The following DOCK2 variants were observed in gnomAD, a reference collection of about 807,000 sequenced individuals.
The protein encoded by DOCK2 is dedicator of cytokinesis 2.
In DOCK2, 87 loss-of-function variants were observed where a neutral mutation model predicts 248.9. The ratio of observed to expected loss-of-function variants is 0.35; its 90% CI spans 0.29 to 0.42. The LOEUF is 0.42. Ranked by LOEUF, DOCK2 falls within the 10% of genes least tolerant of loss-of-function variation. DOCK2 has a pLI of 1.00. For synonymous variants in DOCK2, 805 were observed against 821.6 expected, an observed-to-expected ratio of 0.98 and a Z score of 0.35; for missense variants, 1,747 against 2,300.2, an observed-to-expected ratio of 0.76 and a Z score of 4.92.
At chr5:169,731,332 G>C (rs539592782) in intron 22 of DOCK2, among the ~76,000 whole-genome samples, 1 of 152,258 alleles carries the variant, frequency 6.6e-6, no homozygotes, top group African/African-American at 2.4e-5. Context: ...GGTCTTTTCT[G>C]TGCTGTTCTC....
At chr5:169,858,831 G>A (rs1435399123) in intron 27 of DOCK2, among the ~76,000 whole-genome samples, 1 of 152,088 alleles carries the variant, frequency 6.6e-6, no homozygotes, top group African/African-American at 2.4e-5. Context: ...GCAAGGCTCA[G>A]TCTTTACAGA....
At chr5:169,799,126 A>C (rs261590) in intron 25 of DOCK2, among the ~76,000 whole-genome samples, 103,890 of 152,020 alleles carry the variant, frequency 0.68, 38,098 homozygotes, top group East Asian at 0.86. Flanking sequence ...TGTCATCACC[A>C]TGGCATCTTC....
At chr5:170,028,009 C>T in intron 34 of DOCK2, 61 bp downstream of exon 34, 1 of 1,501,568 alleles carries the variant, frequency 6.7e-7, no homozygotes, top group Non-Finnish European at 9.1e-7. Context: ...CGGGAGGGCT[C>T]AGAACTCCAG....
intron 27 of DOCK2, among the ~76,000 whole-genome samples, chr5:169,857,167 T>C (rs261037): frequency 0.2 from 31,122 of 152,166 alleles, 4,775 homozygotes; most frequent in African/African-American, 0.43. Flanking sequence ...ATGGACTAGG[T>C]CACATGTAAT....
chr5:169,977,046 C>T (rs979715196), intron 27 of DOCK2, among the ~76,000 whole-genome samples: 3 of 152,244 alleles, frequency 2.0e-5, no homozygotes. Flanking sequence ...AAGACAGACA[C>T]ACCTTCTTAA....
At chr5:169,715,145 A>G (rs1761828722) in intron 19 of DOCK2, among the ~76,000 whole-genome samples, 1 of 152,174 alleles carries the variant, frequency 6.6e-6, no homozygotes, top group Non-Finnish European at 1.5e-5. Context: ...AACAATGCAA[A>G]TGTCAGATGT....
intron 13 of DOCK2, 105 bp from the exon 14 acceptor site, chr5:169,702,198 A>G (rs1439679353): frequency 5.7e-6 from 8 of 1,404,864 alleles, no homozygotes; most frequent in African/African-American, 2.9e-5. Flanking sequence ...ATTAATACCA[A>G]TCCAGGTGGG....
In DOCK2 at chr5:169,978,331, T is replaced by C. The variant is rs543510534; in HGVS notation, c.2800-4737T>C. Among the ~76,000 whole-genome samples the C allele has an allele frequency of 6.0e-5, 8 of 133,568 alleles. 2 individuals are homozygous for C. Among genetic ancestry groups the C allele is most frequent in the African/African-American group, 2.2e-4 (8 of 35,834 alleles). 87.6% of individuals were successfully genotyped at this position (133,568 alleles called of 152,430 possible). On this transcript the variant is annotated intron_variant, in intron 27 of 51. Transcript: ENST00000520908. Reference sequence around the variant, plus strand: ...CCCAAGGCAAGGCAAACTGGTAGCCTTTCCCTCAGTTCACATGGCACTGCA... The same window carrying C: ...CCCAAGGCAAGGCAAACTGGTAGCCCTTCCCTCAGTTCACATGGCACTGCA...
At chr5:170,052,400 G>A (rs1756950256) in intron 41 of DOCK2, among the ~76,000 whole-genome samples, 1 of 152,180 alleles carries the variant, frequency 6.6e-6, no homozygotes, top group Non-Finnish European at 1.5e-5. Flanking sequence ...CATGAGGCAA[G>A]GGAGAGAGTA....
At chr5:169,725,730 C>G (rs1244500400) in intron 22 of DOCK2, among the ~76,000 whole-genome samples, 1 of 151,588 alleles carries the variant, frequency 6.6e-6, no homozygotes, top group Non-Finnish European at 1.5e-5. Flanking sequence ...TTGTTCACCT[C>G]TCACCTATGA....
At chr5:169,883,297 G>A in intron 27 of DOCK2, 1 of 1,551,602 alleles carries the variant, frequency 6.4e-7, no homozygotes, top group East Asian at 2.4e-5. Context: ...AACCTGAATG[G>A]CAGCTGTGGC....
At chr5:169,843,962 A>G (rs892417215) in intron 27 of DOCK2, among the ~76,000 whole-genome samples, 7 of 152,126 alleles carry the variant, frequency 4.6e-5, no homozygotes, top group African/African-American at 1.7e-4. Context: ...TAGTGGATGG[A>G]TATTTGGATT....
intron 15 of DOCK2, among the ~76,000 whole-genome samples, chr5:169,709,158 T>C (rs892054825): frequency 5.9e-5 from 9 of 152,224 alleles, no homozygotes; most frequent in Non-Finnish European, 8.8e-5. Flanking sequence ...TCTGCAAAAT[T>C]GAACTAGATT....
chr5:169,640,467 A>G (rs1187595539), intron 1 of DOCK2, among the ~76,000 whole-genome samples: 1 of 152,244 alleles, frequency 6.6e-6, no homozygotes, highest in African/African-American at 2.4e-5. Flanking sequence ...ACTGATGAAC[A>G]AGAGAAAACA....
chr5:169,700,875 G>A (rs1222384665), intron 13 of DOCK2, among the ~76,000 whole-genome samples: 5 of 151,742 alleles, frequency 3.3e-5, no homozygotes, highest in African/African-American at 9.7e-5. Flanking sequence ...GGCGGCGGGC[G>A]GGGGCAGGGA....
chr5:169,820,435 G>A (rs1008471125), intron 26 of DOCK2, among the ~76,000 whole-genome samples: 3 of 152,178 alleles, frequency 2.0e-5, no homozygotes, highest in Non-Finnish European at 4.4e-5. Flanking sequence ...CCAGAGGAAC[G>A]ATCAGGCAGC....
chr5:169,822,433 G>A (rs1451874031), intron 26 of DOCK2, among the ~76,000 whole-genome samples: 3 of 152,204 alleles, frequency 2.0e-5, no homozygotes, highest in Non-Finnish European at 4.4e-5. Context: ...AGACCACAGT[G>A]CAATCAAACT....
At chr5:169,907,320 C>T (rs1202750961) in intron 27 of DOCK2, among the ~76,000 whole-genome samples, 1 of 152,200 alleles carries the variant, frequency 6.6e-6, no homozygotes. Context: ...CTGCTTTCAT[C>T]TGGAGGCAGT....
rs548211315 is a variant in DOCK2, at chr5:169,804,501, C to T, written c.2703+1295C>T. ...GTGTGTGTGTGCGCGCGCGCGTGCG[C>T]GTAAGCATTTTTGTCAAGGAAGCCT... On this transcript the variant is annotated intron_variant, in intron 26 of 51. Transcript: ENST00000520908. Among the ~76,000 whole-genome samples the T allele has an allele frequency of 1.5e-3, 96 of 64,894 alleles. 1 individual carries two copies. The highest frequency in any genetic ancestry group is 3.2e-3 in the African/African-American group (93 of 29,390). 42.6% of individuals were successfully genotyped at this position (64,894 alleles called of 152,430 possible).
Sources: gnomAD v4.1 joint callset for allele counts (sites outside exome capture counted in the v4.1 genomes callset) on GRCh38, gnomAD v4.1.1 for gene constraint, MANE v1.5 for transcripts, NCBI Gene and HGNC (gene_info 2026-07-23, HGNC 2026-07-21) for gene names.